Variants in RHAG observed in about 807,000 individuals in gnomAD.
The protein encoded by RHAG is Rh associated glycoprotein.
A neutral mutation model predicts 42.4 loss-of-function variants in RHAG; 25 were observed. The observed-to-expected ratio is 0.59, with a 90% CI of 0.43 to 0.82. RHAG has a LOEUF of 0.82. Among genes scored for constraint, RHAG ranks in the 40% least tolerant of loss-of-function variants. The pLI is 0.00. For synonymous variants in RHAG, 182 were observed against 177.7 expected, an observed-to-expected ratio of 1.02 and a Z score of -0.19; for missense variants, 483 against 504.6, an observed-to-expected ratio of 0.96 and a Z score of 0.41.
chr6:49,633,334 C>T (rs1762961288), intron 1 of RHAG, among the ~76,000 whole-genome samples: 1 of 152,096 alleles, frequency 6.6e-6, no homozygotes, highest in Non-Finnish European at 1.5e-5. Flanking sequence ...AATGTTTACT[C>T]ATTTGACTTG....
At chr6:49,622,111 T>C (rs1762768197) in intron 1 of RHAG, among the ~76,000 whole-genome samples, 2 of 152,064 alleles carry the variant, frequency 1.3e-5, no homozygotes, top group Non-Finnish European at 1.5e-5. Context: ...GCTCCCATAA[T>C]TCCCATGTGT....
intron 1 of RHAG, among the ~76,000 whole-genome samples, chr6:49,631,698 C>A (rs563628205): frequency 6.6e-6 from 1 of 152,300 alleles, no homozygotes; most frequent in East Asian, 1.9e-4. Context: ...AATCCAAGGT[C>A]TTAGTTCTAT....
In RHAG at chr6:49,606,905, C is replaced by A; in HGVS notation, c.1155G>T (p.Leu385Phe). The change falls in exon 9 of 10, where the codon TTG becomes TTT. Residue 385 changes from leucine to phenylalanine, a missense_variant. Transcript: ENST00000371175. ...GGTCAGATGGCTGTCCCCAGAGAGG[C>A]AACTTTAGAATTAAACCTGTGACGG... Reference protein sequence around the residue: ...GGLMTGLILKLPLWGQPSDQN... With the variant: ...GGLMTGLILKFPLWGQPSDQN... 6.2e-7 allele frequency: 1 copy of A among 1,611,750 alleles called. No individual in the cohort carries two copies. The highest frequency in any genetic ancestry group is 8.5e-7 in the Non-Finnish European group (1 of 1,177,966).
chr6:49,620,042 T>TA (rs921676154), intron 1 of RHAG, among the ~76,000 whole-genome samples: 1 of 152,214 alleles, frequency 6.6e-6, no homozygotes, highest in African/African-American at 2.4e-5. Context: ...TCAAATGGGA[T>TA]AATTTCTTTG....
intron 1 of RHAG, among the ~76,000 whole-genome samples, chr6:49,619,961 G>A (rs1472648017): frequency 6.6e-6 from 1 of 152,162 alleles, no homozygotes; most frequent in Non-Finnish European, 1.5e-5. Context: ...TTTCTTTGAT[G>A]GATGAGTCTC....
In RHAG at chr6:49,615,675, C is replaced by A; in HGVS notation, c.589G>T (p.Gly197Trp). The A allele has an allele frequency of 6.2e-7, 1 of 1,614,046 alleles. No homozygotes were observed. Among genetic ancestry groups the A allele is most frequent in the Non-Finnish European group, 8.5e-7 (1 of 1,180,014 alleles). The part of the protein sequence containing the change: ...GILYRSGLRK[G>W]HENEESAYYS... ...TATGCGGACTCTTCATTTTCATGCCCCTTTCTCAGTCCAGATCGATACAAG... is the reference window on the plus strand; with the variant it reads ...TATGCGGACTCTTCATTTTCATGCCACTTTCTCAGTCCAGATCGATACAAG... Residue 197 changes from glycine to tryptophan, a missense_variant, in exon 4 of 10, where the codon GGG becomes TGG. Gly to Trp is a radical substitution (Grantham distance 184, BLOSUM62 -2). Transcript: ENST00000371175.
chr6:49,627,958 A>T (rs1454301380), intron 1 of RHAG, among the ~76,000 whole-genome samples: 2 of 152,318 alleles, frequency 1.3e-5, no homozygotes, highest in Middle Eastern at 6.8e-3. Context: ...AAACCATATC[A>T]CTTAATAACT....
chr6:49,620,174 T>C (rs1033278651), intron 1 of RHAG, among the ~76,000 whole-genome samples: 2 of 152,216 alleles, frequency 1.3e-5, no homozygotes, highest in African/African-American at 4.8e-5. Context: ...CACATGACTG[T>C]GTGACCCTGG....
chr6:49,623,796 T>C (rs1055897547), intron 1 of RHAG, among the ~76,000 whole-genome samples: 8 of 152,234 alleles, frequency 5.3e-5, no homozygotes, highest in Non-Finnish European at 1.2e-4. Context: ...AAATCAACTA[T>C]GCTTTTAAGG....
intron 9 of RHAG, 39 bp downstream of exon 9, chr6:49,606,809 G>T: frequency 7.6e-7 from 1 of 1,319,810 alleles, no homozygotes; most frequent in Non-Finnish European, 1.1e-6. Flanking sequence ...CACTAATGGA[G>T]TCATCGTTCA....
chr6:49,612,744 G>A (rs965939304), intron 5 of RHAG, among the ~76,000 whole-genome samples: 15 of 152,240 alleles, frequency 9.9e-5, no homozygotes, highest in African/African-American at 3.6e-4. Flanking sequence ...TCCCTTGGTA[G>A]TGAATGAGTA....
At chr6:49,630,728 C>A (rs2127358374) in intron 1 of RHAG, among the ~76,000 whole-genome samples, 1 of 152,238 alleles carries the variant, frequency 6.6e-6, no homozygotes, top group South Asian at 2.1e-4. Flanking sequence ...GTGTACATCT[C>A]CTAAGTAAAA....
At chr6:49,627,624 A>G (rs1185605848) in intron 1 of RHAG, among the ~76,000 whole-genome samples, 1 of 152,184 alleles carries the variant, frequency 6.6e-6, no homozygotes, top group Non-Finnish European at 1.5e-5. Context: ...TCACACTGCT[A>G]ATGAAAACAT....
At chr6:49,634,688 C>T (rs1168612611) in intron 1 of RHAG, among the ~76,000 whole-genome samples, 3 of 151,708 alleles carry the variant, frequency 2.0e-5, no homozygotes, top group Non-Finnish European at 4.4e-5. Flanking sequence ...AGATTGCTTA[C>T]GAGAATTGGT....
At position 49,605,824 on chromosome 6, in the gene RHAG, T is replaced by C. The variant is rs1562010930; in HGVS notation, c.1219A>G (p.Lys407Glu). 1 of 1,613,286 alleles carries C rather than the reference T, an allele frequency of 6.2e-7. No individual in the cohort carries two copies. Among genetic ancestry groups the C allele is most frequent in the East Asian group, 2.2e-5 (1 of 44,862 alleles). ...AACTGATTGTCAAGTTATCTCGTCT[T>C]AGGGACCTTTAAAAAAACAAGTTTG... The part of the protein sequence containing the change: ...YDDSVYWKVP[K>E]TR The change falls in exon 10 of 10, where the codon AAG becomes GAG. Residue 407 changes from lysine (K) to glutamate (E), a missense_variant. Physicochemically the swap from Lys to Glu is moderately conservative, Grantham distance 56. Coordinates refer to ENST00000371175, the MANE Select transcript of RHAG (RefSeq NM_000324.3).
At chr6:49,615,098 C>T (rs1356739036) in intron 4 of RHAG, 5 of 453,522 alleles carry the variant, frequency 1.1e-5, no homozygotes, top group African/African-American at 7.9e-5. Context: ...CAGGTGCGGG[C>T]TACCATGTCC....
Position 49,613,168 on chromosome 6 carries a change from C to G in RHAG, c.808-634G>C, listed in dbSNP as rs935806661. On this transcript the variant is annotated intron_variant, in intron 5 of 9. Coordinates refer to ENST00000371175, the MANE Select transcript of RHAG (RefSeq NM_000324.3). Reference sequence around the variant, plus strand: ...CACTGCAACCTCCACCTCCTGGGTTCAAGTGATTCTCCTGCCTCAGCCTCT... The same window carrying G: ...CACTGCAACCTCCACCTCCTGGGTTGAAGTGATTCTCCTGCCTCAGCCTCT... Among the ~76,000 whole-genome samples, 8 of 151,232 alleles carry G rather than the reference C, an allele frequency of 5.3e-5. 1 individual carries two copies.
At chr6:49,626,143 A>G (rs1762840449) in intron 1 of RHAG, among the ~76,000 whole-genome samples, 1 of 152,194 alleles carries the variant, frequency 6.6e-6, no homozygotes, top group Non-Finnish European at 1.5e-5. Context: ...CTTGCATTTC[A>G]AAACCAATCA....
intron 4 of RHAG, 133 bp downstream of exon 4, chr6:49,615,491 G>A: frequency 9.8e-7 from 1 of 1,017,472 alleles, no homozygotes; most frequent in Non-Finnish European, 1.5e-6. Flanking sequence ...CTCCTGAGTA[G>A]CTGAGGATAC....
Sources: allele counts gnomAD v4.1 joint callset (sites outside exome capture counted in the v4.1 genomes callset), GRCh38; gene constraint gnomAD v4.1.1; transcripts MANE v1.5; gene names NCBI Gene and HGNC (gene_info 2026-07-23, HGNC 2026-07-21).